Variants in CLUL1 observed in about 807,000 individuals in gnomAD.
The protein encoded by CLUL1 is clusterin-like protein 1.
CLUL1 carries 43 observed loss-of-function variants against 49.4 expected under a neutral mutation model. The ratio of observed to expected loss-of-function variants is 0.87; its 90% CI spans 0.68 to 1.12. The LOEUF (loss-of-function observed/expected upper bound fraction) is 1.12, where lower values mean the gene tolerates loss of function less well. Ranked by LOEUF, CLUL1 falls within the 50% of genes most tolerant of loss-of-function variation. The pLI is 0.00. For synonymous variants in CLUL1, 192 were observed against 184.9 expected, an observed-to-expected ratio of 1.04 and a Z score of -0.31; for missense variants, 486 against 544.4, an observed-to-expected ratio of 0.89 and a Z score of 1.07.
chr18:615,693 G>A (rs1406035675), intron 2 of CLUL1, among the ~76,000 whole-genome samples: 1 of 152,184 alleles, frequency 6.6e-6, no homozygotes, highest in East Asian at 1.9e-4. Context: ...GGTGTGGATT[G>A]TAGTTGCTCA....
intron 6 of CLUL1, 75 bp downstream of exon 6, chr18:627,604 A>T (rs2073848265): frequency 9.8e-7 from 1 of 1,023,128 alleles, no homozygotes; most frequent in Non-Finnish European, 1.4e-6. Flanking sequence ...GAAATGGTAG[A>T]CATTTCTGAG....
intron 8 of CLUL1, 81 bp from the exon 9 acceptor site, chr18:644,829 C>A: frequency 9.1e-7 from 1 of 1,094,578 alleles, no homozygotes; most frequent in Non-Finnish European, 1.3e-6. Context: ...CCCAGCCTAT[C>A]CTGACTAAGG....
intron 7 of CLUL1, among the ~76,000 whole-genome samples, chr18:637,967 GA>G (rs148929696): frequency 0.14 from 20,986 of 151,390 alleles, 2,140 homozygotes; most frequent in African/African-American, 0.29. Context: ...ACTCTGTCTT[GA>G]AAAAATAATA....
chr18:646,959 C>G (rs1437795250), intron 9 of CLUL1, among the ~76,000 whole-genome samples: 2 of 152,064 alleles, frequency 1.3e-5, no homozygotes, highest in East Asian at 3.9e-4. Flanking sequence ...CCATGTTGGC[C>G]AGGCTGGTCT....
chr18:607,102 A>G lies in CLUL1; in HGVS notation c.-14+3A>G. 1.4e-6 allele frequency: 1 copy of G among 701,974 alleles called. No individual in the cohort carries two copies. Among genetic ancestry groups the G allele is most frequent in the South Asian group, 1.5e-5 (1 of 67,572 alleles). The allele number at this position is 701,974 out of a possible 1,614,324, so 43.5% of individuals were successfully genotyped here. A position where few individuals can be genotyped will look rare whatever the true frequency, so the allele number is the denominator to read the frequency against. On this transcript the variant is annotated splice_donor_region_variant and intron_variant, in intron 2 of 9. Transcript: ENST00000692774. ...CCCATGAGGACCTGGGACTACAGGT[A>G]TGCACCGCTATACCCGTCTATCTTT...
chr18:599,641 A>C (rs72865431), intron 1 of CLUL1, among the ~76,000 whole-genome samples: 22,131 of 152,102 alleles, frequency 0.15, 1,750 homozygotes, highest in Middle Eastern at 0.24. Context: ...GATAAAAATT[A>C]ATAATAATTG....
At chr18:644,829 CCTGA>C in intron 8 of CLUL1, 77 bp from the exon 9 acceptor site, 1 of 1,094,580 alleles carries the variant, frequency 9.1e-7, no homozygotes, top group Non-Finnish European at 1.3e-6. Flanking sequence ...CCCAGCCTAT[CCTGA>C]CTAAGGTGGT....
chr18:605,365 C>T (rs998721918), intron 1 of CLUL1, among the ~76,000 whole-genome samples: 1 of 152,022 alleles, frequency 6.6e-6, no homozygotes, highest in Admixed American at 6.5e-5. Flanking sequence ...TGGTGGCTCA[C>T]GCCTGTAATC....
At chr18:605,492 G>A (rs1306297315) in intron 1 of CLUL1, among the ~76,000 whole-genome samples, 1 of 151,946 alleles carries the variant, frequency 6.6e-6, no homozygotes, top group Non-Finnish European at 1.5e-5. Flanking sequence ...GCCAGGTGTG[G>A]TGGCCCAAGC....
At chr18:635,549 A>G (rs933409341) in intron 7 of CLUL1, among the ~76,000 whole-genome samples, 1 of 152,206 alleles carries the variant, frequency 6.6e-6, no homozygotes, top group African/African-American at 2.4e-5. Flanking sequence ...CAGAATTTAT[A>G]AAATTCAGAT....
Position 636,907 on chromosome 18 carries a change from G to A in CLUL1, c.994+3472G>A, listed in dbSNP as rs879759012. On this transcript the variant is annotated intron_variant, in intron 7 of 9. Transcript: ENST00000692774. ...CTCCCAAAGTGCTGGGATTACAGGC[G>A]TGAGCCACCATGCCCAGCCCCTTTC... is the stretch of plus-strand genomic sequence containing the variant. Among the ~76,000 whole-genome samples, 14 of 151,282 alleles carry A rather than the reference G, an allele frequency of 9.3e-5. 1 individual carries two copies. The highest frequency in any genetic ancestry group is 3.4e-4 in the African/African-American group (14 of 41,128).
chr18:640,620 G>A (rs539166340), intron 7 of CLUL1, among the ~76,000 whole-genome samples: 2 of 152,096 alleles, frequency 1.3e-5, no homozygotes, highest in Admixed American at 6.6e-5. Context: ...ATTCACTGTT[G>A]TATGTTGGTC....
At chr18:615,526 T>A (rs1224204980) in intron 2 of CLUL1, among the ~76,000 whole-genome samples, 3 of 152,196 alleles carry the variant, frequency 2.0e-5, no homozygotes, top group Admixed American at 6.5e-5. Flanking sequence ...GGTAAACTAA[T>A]GAGCAATGGT....
At chr18:649,122 C>G (rs1372446240) in intron 9 of CLUL1, among the ~76,000 whole-genome samples, 1 of 151,858 alleles carries the variant, frequency 6.6e-6, no homozygotes, top group African/African-American at 2.4e-5. Context: ...AAAATTTTGT[C>G]AATTTTCTGA....
chr18:598,302 C>G (rs897977298), intron 1 of CLUL1: 1 of 367,788 alleles, frequency 2.7e-6, no homozygotes, highest in Middle Eastern at 7.0e-4. Flanking sequence ...ATCACTTAAA[C>G]TTTGCGTGAC....
chr18:622,380 C>T (rs1054301799), intron 4 of CLUL1, among the ~76,000 whole-genome samples: 6 of 152,192 alleles, frequency 3.9e-5, no homozygotes, highest in Non-Finnish European at 5.9e-5. Context: ...TGGTCTTGAA[C>T]TCCTGGGCTC....
At chr18:635,560 T>C (rs2074112337) in intron 7 of CLUL1, among the ~76,000 whole-genome samples, 1 of 152,140 alleles carries the variant, frequency 6.6e-6, no homozygotes, top group African/African-American at 2.4e-5. Flanking sequence ...AAATTCAGAT[T>C]ATAATTTACT....
chr18:633,816 AGCGTGTAATCGGAATGAATCAG>A (rs2074059888), intron 7 of CLUL1, among the ~76,000 whole-genome samples: 1 of 22,828 alleles, frequency 4.4e-5, no homozygotes, highest in Non-Finnish European at 1.2e-4. Context: ...ATCAGGGCGG[AGCGTGTAATCGGAATGAATCAG>A]GGCGGAGCGT....
At chr18:630,602 G>A (rs948768178) in intron 6 of CLUL1, among the ~76,000 whole-genome samples, 20 of 150,188 alleles carry the variant, frequency 1.3e-4, no homozygotes, top group Admixed American at 6.6e-4. Flanking sequence ...AGGTGGCCTC[G>A]AGGAACTGGA....
Sources: allele counts gnomAD v4.1 joint callset (sites outside exome capture counted in the v4.1 genomes callset), GRCh38; gene constraint gnomAD v4.1.1; transcripts MANE v1.5; gene names NCBI Gene and HGNC (gene_info 2026-07-23, HGNC 2026-07-21).